The following NUMB variants were observed in gnomAD, a reference collection of about 807,000 sequenced individuals.
NUMB encodes the protein protein numb homolog.
A neutral mutation model predicts 59.7 loss-of-function variants in NUMB; 29 were observed. The ratio of observed to expected loss-of-function variants is 0.49; its 90% CI spans 0.36 to 0.66. The LOEUF is 0.66. Among genes scored for constraint, NUMB ranks in the 30% least tolerant of loss-of-function variants. NUMB has a pLI of 0.00. For synonymous variants in NUMB, 288 were observed against 288.2 expected (o/e 1.00, Z 0.01); for missense variants, 723 against 822.0 (o/e 0.88, Z 1.47).
chr14:73,323,580 GAC>G (rs1891514857), intron 4 of NUMB, among the ~76,000 whole-genome samples: 1 of 152,320 alleles, frequency 6.6e-6, no homozygotes, highest in South Asian at 2.1e-4. Flanking sequence ...GCCTGCGCTA[GAC>G]ACAGTTACTA....
chr14:73,433,558 A>G (rs947700742), intron 1 of NUMB, among the ~76,000 whole-genome samples: 5 of 152,192 alleles, frequency 3.3e-5, no homozygotes, highest in Admixed American at 1.3e-4. Flanking sequence ...AGAGTCTCAC[A>G]AAGACCAGTT....
rs199911080 is a variant in NUMB at position 73,319,566 on chromosome 14, T to TA, written c.202-3145dup. 4.7e-4 allele frequency among the ~76,000 whole-genome samples: 72 copies of TA among 151,936 alleles called. 1 individual carries two copies. The highest frequency in any genetic ancestry group is 1.3e-3 in the South Asian group (6 of 4,800). On this transcript the variant is annotated intron_variant, in intron 5 of 12. Transcript: ENST00000555238. ...CTCTAAAAGGAAGCTTTATAATCTA[T>TA]AAAAAAAACAAACAAAAAGTCTCCA...
At chr14:73,354,037 G>A (rs1425383004) in intron 4 of NUMB, among the ~76,000 whole-genome samples, 1 of 152,098 alleles carries the variant, frequency 6.6e-6, no homozygotes, top group Non-Finnish European at 1.5e-5. Context: ...TTAAAAGACT[G>A]TGGAAAAATT....
chr14:73,415,625 C>T (rs1490385547), intron 1 of NUMB, among the ~76,000 whole-genome samples: 1 of 151,840 alleles, frequency 6.6e-6, no homozygotes, highest in Non-Finnish European at 1.5e-5. Flanking sequence ...AGCCACCACG[C>T]TCAGCTAATT....
intron 1 of NUMB, among the ~76,000 whole-genome samples, chr14:73,416,516 G>C (rs1476592601): frequency 6.6e-6 from 1 of 152,004 alleles, no homozygotes; most frequent in Admixed American, 6.6e-5. Context: ...TACACTTCTA[G>C]AAAATGTATC....
chr14:73,310,665 T>TG (rs1186009313), intron 6 of NUMB, among the ~76,000 whole-genome samples: 2 of 152,214 alleles, frequency 1.3e-5, no homozygotes, highest in Middle Eastern at 3.2e-3. Context: ...ATTTGTAAAA[T>TG]GCAGTTTCAT....
intron 11 of NUMB, among the ~76,000 whole-genome samples, chr14:73,280,932 G>A (rs1270372799): frequency 6.6e-6 from 1 of 151,962 alleles, no homozygotes; most frequent in Non-Finnish European, 1.5e-5. Context: ...GACCTCTGGT[G>A]ATCCGCCTGC....
chr14:73,456,240 G>A (rs966160282), intron 1 of NUMB, among the ~76,000 whole-genome samples: 4 of 151,940 alleles, frequency 2.6e-5, no homozygotes, highest in African/African-American at 9.7e-5. Context: ...CTTCCAAGTA[G>A]CTGGGATTAC....
chr14:73,337,693 T>A (rs1892409746), intron 4 of NUMB, among the ~76,000 whole-genome samples: 1 of 152,118 alleles, frequency 6.6e-6, no homozygotes, highest in African/African-American at 2.4e-5. Context: ...ATGGAAGATA[T>A]ACAACTGTAA....
intron 4 of NUMB, among the ~76,000 whole-genome samples, chr14:73,346,123 A>C (rs1027929529): frequency 1.3e-5 from 2 of 152,156 alleles, no homozygotes; most frequent in Non-Finnish European, 2.9e-5. Context: ...GAGAAGCACT[A>C]GATTAAGTTT....
intron 1 of NUMB, among the ~76,000 whole-genome samples, chr14:73,448,604 G>A (rs559503170): frequency 1.5e-3 from 233 of 152,202 alleles, no homozygotes; most frequent in African/African-American, 5.0e-3. Context: ...CTTGAATTGC[G>A]AAGATAAATA....
chr14:73,381,858 G>A (rs956776251), intron 2 of NUMB, among the ~76,000 whole-genome samples: 1 of 151,966 alleles, frequency 6.6e-6, no homozygotes, highest in Non-Finnish European at 1.5e-5. Flanking sequence ...AATAAATAAT[G>A]CAAGTAAGAG....
chr14:73,352,473 CACACATATATATATATATATATATAT>C (rs1566756050), intron 4 of NUMB, among the ~76,000 whole-genome samples: 585 of 20,456 alleles, frequency 0.029, 91 homozygotes, highest in South Asian at 0.066. Flanking sequence ...CACACACACA[CACACATATATATATATATATATATAT>C]ATATATATAT....
At chr14:73,297,953 A>G (rs552589476) in intron 6 of NUMB, 16 of 150,764 alleles carry the variant, frequency 1.1e-4, no homozygotes, top group African/African-American at 3.7e-4. Context: ...CAGTGATGCG[A>G]TATTGGCTCA....
At chr14:73,403,257 T>C (rs745740598) in intron 2 of NUMB, among the ~76,000 whole-genome samples, 2 of 152,204 alleles carry the variant, frequency 1.3e-5, no homozygotes, top group Non-Finnish European at 2.9e-5. Context: ...CCAACAATGT[T>C]GAACCATTAA....
intron 2 of NUMB, among the ~76,000 whole-genome samples, chr14:73,408,261 T>C (rs1226224608): frequency 6.6e-6 from 1 of 151,746 alleles, no homozygotes; most frequent in Non-Finnish European, 1.5e-5. Context: ...CGTTAAGATA[T>C]TTACCAGAAA....
At chr14:73,401,812 G>A (rs958859473) in intron 2 of NUMB, among the ~76,000 whole-genome samples, 68 of 151,836 alleles carry the variant, frequency 4.5e-4, no homozygotes, top group Admixed American at 2.4e-3. Context: ...CTTGTGATCC[G>A]CCCACCTCGG....
chr14:73,355,231 T>C (rs1049659234), intron 4 of NUMB, among the ~76,000 whole-genome samples: 1 of 152,180 alleles, frequency 6.6e-6, no homozygotes, highest in Non-Finnish European at 1.5e-5. Context: ...ATTTAAGGAT[T>C]TCTAAAATAA....
At chr14:73,395,032 T>C (rs1348211587) in intron 2 of NUMB, among the ~76,000 whole-genome samples, 5 of 103,686 alleles carry the variant, frequency 4.8e-5, no homozygotes. Flanking sequence ...ATAGTATTCG[T>C]GTGTTTGTGT....
Sources: gnomAD v4.1 joint callset for allele counts (sites outside exome capture counted in the v4.1 genomes callset) on GRCh38, gnomAD v4.1.1 for gene constraint, MANE v1.5 for transcripts, NCBI Gene and HGNC (gene_info 2026-07-23, HGNC 2026-07-21) for gene names.